Variants in SH3PXD2A observed in about 807,000 individuals in gnomAD.
The protein encoded by SH3PXD2A is SH3 and PX domains 2A, also known as SH3 and PX domain-containing protein 2A.
In SH3PXD2A, 32 loss-of-function variants were observed where a neutral mutation model predicts 115.2. That is an observed-to-expected ratio of 0.28 (90% CI 0.21 to 0.37). The LOEUF is 0.37. Ranked by LOEUF, SH3PXD2A falls within the 10% of genes least tolerant of loss-of-function variation. The pLI is 1.00. For synonymous variants in SH3PXD2A, 610 were observed against 629.1 expected (o/e 0.97, Z 0.45); for missense variants, 1,328 against 1,498.7 (o/e 0.89, Z 1.88).
chr10:103,843,118 G>T (rs1275381191), intron 1 of SH3PXD2A, among the ~76,000 whole-genome samples: 2 of 152,182 alleles, frequency 1.3e-5, no homozygotes, highest in Non-Finnish European at 2.9e-5. Flanking sequence ...AACCATATGG[G>T]TTAGGTAGTA....
intron 8 of SH3PXD2A, among the ~76,000 whole-genome samples, chr10:103,657,822 C>G (rs1265678379): frequency 6.6e-6 from 1 of 152,166 alleles, no homozygotes; most frequent in Non-Finnish European, 1.5e-5. Flanking sequence ...GACAACCTTC[C>G]CCACAGATGT....
Position 103,768,362 on chromosome 10 carries a change from G to A in SH3PXD2A, c.154-1193C>T, listed in dbSNP as rs562580739. The stretch of plus-strand genomic sequence containing the variant: ...CTAGCAATTCTACAGAGACCTGCAG[G>A]GGGGCGAGGAAGCAAGCTACGCTGG... On this transcript the variant is annotated intron_variant, in intron 2 of 14. Coordinates refer to ENST00000369774, the MANE Select transcript of SH3PXD2A (RefSeq NM_001394015.1). Among the ~76,000 whole-genome samples the A allele has an allele frequency of 2.6e-5, 4 of 152,334 alleles. No individual in the cohort carries two copies. The South Asian group carries it at 8.3e-4, about 32-fold the overall frequency.
intron 5 of SH3PXD2A, among the ~76,000 whole-genome samples, chr10:103,709,943 T>A (rs2038027859): frequency 6.7e-6 from 1 of 149,938 alleles, no homozygotes; most frequent in Non-Finnish European, 1.5e-5. Flanking sequence ...TTGTCTCTAC[T>A]AAAAATATGA....
chr10:103,814,012 AAAACAAC>A (rs947201345), intron 1 of SH3PXD2A, among the ~76,000 whole-genome samples: 9 of 142,828 alleles, frequency 6.3e-5, no homozygotes, highest in African/African-American at 1.9e-4. Flanking sequence ...AAAAAAAAAA[AAAACAAC>A]AAAAAAAAAA....
intron 7 of SH3PXD2A, 67 bp from the exon 8 acceptor site, chr10:103,661,181 T>G: frequency 1.9e-6 from 3 of 1,564,728 alleles, no homozygotes; most frequent in Non-Finnish European, 2.6e-6. Flanking sequence ...GGGCGCCCCC[T>G]GTCCATCGGC....
At chr10:103,608,299 C>G (rs1006073826) in intron 13 of SH3PXD2A, among the ~76,000 whole-genome samples, 2 of 150,488 alleles carry the variant, frequency 1.3e-5, no homozygotes, top group Admixed American at 6.6e-5. Context: ...TCCCAGGGAA[C>G]GAGGCCCTGT....
At chr10:103,783,584 A>G (rs1267633725) in intron 2 of SH3PXD2A, among the ~76,000 whole-genome samples, 1 of 152,206 alleles carries the variant, frequency 6.6e-6, no homozygotes, top group Non-Finnish European at 1.5e-5. Context: ...TGCACATAGC[A>G]GCTGACCCAG....
intron 8 of SH3PXD2A, among the ~76,000 whole-genome samples, chr10:103,645,388 T>C (rs1268594811): frequency 6.6e-6 from 1 of 152,210 alleles, no homozygotes; most frequent in Non-Finnish European, 1.5e-5. Flanking sequence ...GGAAATGACT[T>C]CGACCCACAG....
In SH3PXD2A at chr10:103,801,542, T is replaced by TACACACACACACACACACACACACACAC. The variant is rs148335179; in HGVS notation, c.73-181_73-180insGTGTGTGTGTGTGTGTGTGTGTGTGTGT. ...GTAGATGCTACAATATATGTCTAAATACACACACACACACACACACACACA... is the reference window on the plus strand; with the variant it reads ...GTAGATGCTACAATATATGTCTAAATACACACACACACACACACACACACACACACACACACACACACACACACACACA... On this transcript the variant is annotated intron_variant, in intron 1 of 14. Transcript: ENST00000369774. Among the ~76,000 whole-genome samples, 1,265 of 142,850 alleles carry TACACACACACACACACACACACACACAC rather than the reference T, an allele frequency of 8.9e-3. 13 individuals carry two copies. Among genetic ancestry groups the TACACACACACACACACACACACACACAC allele is most frequent in the East Asian group, 0.029 (138 of 4,704 alleles). The allele number at this position is 142,850 out of a possible 152,430, so 93.7% of individuals were successfully genotyped here.
rs2036713242 is a variant in SH3PXD2A at position 103,627,323 on chromosome 10, T to C, written c.605-121A>G. 1 of 642,552 alleles carries C rather than the reference T, an allele frequency of 1.6e-6. No homozygotes were observed. The highest frequency in any genetic ancestry group is 2.8e-6 in the Non-Finnish European group (1 of 360,974). The allele number at this position is 642,552 out of a possible 1,614,324, so 39.8% of individuals were successfully genotyped here. On this transcript the variant is annotated intron_variant, in intron 8 of 14. Coordinates refer to ENST00000369774, the MANE Select transcript of SH3PXD2A (RefSeq NM_001394015.1). This position sits in a 1 kb window ranked among gnomAD's most constrained non-coding sequence, Gnocchi z 4.4. ...AAGCGGAGCATGGAGCCAGATGGCC[T>C]GGGGACCCAGCAAATGCCTGGCCCA...
intron 5 of SH3PXD2A, among the ~76,000 whole-genome samples, chr10:103,699,200 T>C (rs1454509676): frequency 6.6e-6 from 1 of 152,188 alleles, no homozygotes; most frequent in Non-Finnish European, 1.5e-5. Flanking sequence ...CCTCAGGGGC[T>C]GGTGACCCTG....
intron 8 of SH3PXD2A, among the ~76,000 whole-genome samples, chr10:103,653,339 T>G (rs534131967): frequency 5.1e-4 from 78 of 152,266 alleles, no homozygotes; most frequent in African/African-American, 1.8e-3. Flanking sequence ...GAGATGCTCA[T>G]GGGCTCAGTC....
In SH3PXD2A at chr10:103,713,975, C is replaced by T. The variant is rs148318260; in HGVS notation, c.398+10295G>A. Among the ~76,000 whole-genome samples, 628 of 152,302 alleles carry T rather than the reference C, an allele frequency of 4.1e-3. 7 individuals are homozygous for T. Among genetic ancestry groups the T allele is most frequent in the African/African-American group, 0.014 (586 of 41,558 alleles). On this transcript the variant is annotated intron_variant, in intron 5 of 14. Transcript: ENST00000369774. ...GCCTCACATAGAGATGATCTAGAAA[C>T]ACTTGCATGAACACACGCCTCCCAC...
At chr10:103,729,674 G>A (rs938333491) in intron 4 of SH3PXD2A, among the ~76,000 whole-genome samples, 4 of 152,242 alleles carry the variant, frequency 2.6e-5, no homozygotes, top group African/African-American at 9.6e-5. Flanking sequence ...CTGTAAACCA[G>A]GGGTCAGTGA....
At chr10:103,636,926 G>A (rs1191018788) in intron 8 of SH3PXD2A, among the ~76,000 whole-genome samples, 1 of 152,210 alleles carries the variant, frequency 6.6e-6, no homozygotes, top group South Asian at 2.1e-4. Flanking sequence ...CACTGTTGGC[G>A]TGACCTGAGA....
chr10:103,724,449 CAG>C, intron 4 of SH3PXD2A, 88 bp from the exon 5 acceptor site: 1 of 713,536 alleles, frequency 1.4e-6, no homozygotes. Context: ...CCAACAGTGA[CAG>C]AGAGGCTCAA....
chr10:103,653,659 C>T (rs1487952550), intron 8 of SH3PXD2A, among the ~76,000 whole-genome samples: 1 of 152,216 alleles, frequency 6.6e-6, no homozygotes, highest in Non-Finnish European at 1.5e-5. Context: ...CCCCCATGCT[C>T]ACTGCCCCAC....
intron 12 of SH3PXD2A, 38 bp from the exon 13 acceptor site, chr10:103,611,668 A>G: frequency 6.4e-7 from 1 of 1,550,610 alleles, no homozygotes; most frequent in East Asian, 2.2e-5. Context: ...TCCTAGTCAG[A>G]CGATGGGCAA....
intron 8 of SH3PXD2A, among the ~76,000 whole-genome samples, chr10:103,654,394 A>C (rs2037177761): frequency 6.6e-6 from 1 of 151,976 alleles, no homozygotes; most frequent in Admixed American, 6.6e-5. Flanking sequence ...AGATACCACC[A>C]AGTCAGTTCT....
Sources: gnomAD v4.1 joint callset for allele counts (sites outside exome capture counted in the v4.1 genomes callset) on GRCh38, gnomAD v4.1.1 for gene constraint, Gnocchi (gnomAD v3.1) non-coding constraint, MANE v1.5 for transcripts, NCBI Gene and HGNC (gene_info 2026-07-23, HGNC 2026-07-21) for gene names.